Variants in PTAFR observed in about 807,000 individuals in gnomAD.
PTAFR encodes platelet activating factor receptor.
Under a neutral mutation model 14.7 loss-of-function variants are expected in PTAFR, and 8 were observed. The observed-to-expected ratio is 0.54, with a 90% CI of 0.32 to 0.98. PTAFR has a LOEUF of 0.98. Ranked by LOEUF, PTAFR falls within the 50% of genes least tolerant of loss-of-function variation. The probability of loss-of-function intolerance (pLI) is 0.04; values close to 1 mark genes in which losing one functional copy is unlikely to be tolerated. For missense variants in PTAFR, 337 were observed against 451.2 expected, an observed-to-expected ratio of 0.75 and a Z score of 2.29; for synonymous variants, 156 against 176.5, an observed-to-expected ratio of 0.88 and a Z score of 0.92.
At chr1:28,162,365 G>A (rs879756645) in intron 1 of PTAFR, among the ~76,000 whole-genome samples, 1 of 152,126 alleles carries the variant, frequency 6.6e-6, no homozygotes, top group Non-Finnish European at 1.5e-5. Flanking sequence ...CCCAGCAACC[G>A]ACAGGATTGC....
chr1:28,187,179 T>C (rs1031249147), intron 1 of PTAFR, among the ~76,000 whole-genome samples: 2 of 152,062 alleles, frequency 1.3e-5, no homozygotes, highest in Non-Finnish European at 2.9e-5. Context: ...CGTTTACTGA[T>C]GAGAAAAGGG....
In PTAFR at chr1:28,150,935, C is replaced by T. The variant is rs749942993; in HGVS notation, c.87G>A (p.Gly29=). Residue 29 remains glycine (G), a synonymous_variant, in exon 2 of 2, where the codon GGG becomes GGA. Coordinates refer to ENST00000373857, the MANE Select transcript of PTAFR (RefSeq NM_000952.5). The surrounding 1 kb of genome is among the most constrained non-coding windows in gnomAD (Gnocchi z 6.3). ...PIVYSIIFVL[G]VIANGYVLWV... is the part of the protein sequence containing the mutation. ...ACAGCACGTAGCCATTAGCAATGAC[C>T]CCGAGCACAAAGATGATGCTGTAAA... is the stretch of plus-strand genomic sequence containing the variant. 18 of 1,614,012 alleles carry T rather than the reference C, an allele frequency of 1.1e-5. No individual in the cohort carries two copies. Among genetic ancestry groups the T allele is most frequent in the South Asian group, 3.3e-5 (3 of 91,062 alleles).
At position 28,154,834 on chromosome 1, in the gene PTAFR, G is replaced by C. The variant is rs1284527654; in HGVS notation, c.-38-3775C>G. ...CTCAAAAAAAAAAAAAAAAAAAAGTGGGGGGGGAGGGAGGGCAGCACGGAT... is the reference window on the plus strand; with the variant it reads ...CTCAAAAAAAAAAAAAAAAAAAAGTCGGGGGGGAGGGAGGGCAGCACGGAT... On this transcript the variant is annotated intron_variant, in intron 1 of 1. Coordinates refer to ENST00000373857, the MANE Select transcript of PTAFR (RefSeq NM_000952.5). 9.5e-3 allele frequency among the ~76,000 whole-genome samples: 1,322 copies of C among 139,210 alleles called. 36 individuals carry two copies. The highest frequency in any genetic ancestry group is 0.033 in the African/African-American group (1,242 of 37,262). 91.3% of individuals were successfully genotyped at this position (139,210 alleles called of 152,430 possible).
Position 28,150,728 on chromosome 1 carries a change from G to A in PTAFR, c.294C>T (p.Phe98=). The A allele has an allele frequency of 6.2e-7, 1 of 1,614,156 alleles. No homozygotes were observed. Among genetic ancestry groups the A allele is most frequent in the East Asian group, 2.2e-5 (1 of 44,874 alleles). Residue 98 remains phenylalanine (F), a synonymous_variant, in exon 2 of 2, where the codon TTC becomes TTT. Transcript: ENST00000373857. This position sits in a 1 kb window ranked among gnomAD's most constrained non-coding sequence, Gnocchi z 6.3. ...FLCNVAGCLF[F]INTYCSVAFL... is the part of the protein sequence containing the mutation. ...AGGCCACAGAGCAGTAGGTGTTGAT[G>A]AAGAAAAGGCAGCCAGCCACGTTGC... is the stretch of plus-strand genomic sequence containing the variant.
At position 28,175,734 on chromosome 1, in the gene PTAFR, G is replaced by A. The variant is rs184333189; in HGVS notation, c.-39+858C>T. Among the ~76,000 whole-genome samples, 18 of 151,920 alleles carry A rather than the reference G, an allele frequency of 1.2e-4. No individual in the cohort carries two copies. In the East Asian group the frequency reaches 2.1e-3, roughly 18 times the overall value. On this transcript the variant is annotated intron_variant, in intron 1 of 1. Coordinates refer to ENST00000373857, the MANE Select transcript of PTAFR (RefSeq NM_000952.5). ...TTTTCAGCACCCCCTTCCCCACCCC[G>A]CAAACCTAGCATTTAGTGAGTTCCT...
chr1:28,168,683 G>C (rs1417263402), intron 1 of PTAFR, among the ~76,000 whole-genome samples: 1 of 151,974 alleles, frequency 6.6e-6, no homozygotes, highest in Non-Finnish European at 1.5e-5. Context: ...TTGTTTGTTT[G>C]TTTGAAATGA....
rs1319047843 is a variant in PTAFR, at chr1:28,149,079, T to C, written c.*914A>G. The C allele has an allele frequency of 1.3e-5, 2 of 152,286 alleles. No homozygotes were observed. The highest frequency in any genetic ancestry group is 4.8e-5 in the African/African-American group (2 of 41,472). 9.4% of individuals were successfully genotyped at this position (152,286 alleles called of 1,614,324 possible). A position where few individuals can be genotyped will look rare whatever the true frequency, so the allele number is the denominator to read the frequency against. On this transcript the variant is annotated 3_prime_UTR_variant, in exon 2 of 2. Transcript: ENST00000373857. ...TGTCTTGGGAAGCAAGCTCTTGTCC[T>C]AGCTTTTGGTCTGTTCATGTTTTAT... is the stretch of plus-strand genomic sequence containing the variant.
chr1:28,174,219 A>T (rs1013181112), intron 1 of PTAFR, among the ~76,000 whole-genome samples: 4 of 152,002 alleles, frequency 2.6e-5, no homozygotes, highest in Non-Finnish European at 4.4e-5. Context: ...CGACCCAGAC[A>T]CACACCCCTA....
intron 1 of PTAFR, among the ~76,000 whole-genome samples, chr1:28,163,328 C>G (rs1170735621): frequency 6.6e-6 from 1 of 152,190 alleles, no homozygotes. Flanking sequence ...CCTTGTCAGA[C>G]TGGGCACTTC....
intron 1 of PTAFR, among the ~76,000 whole-genome samples, chr1:28,175,993 CCAT>C (rs1247577938): frequency 2.0e-5 from 3 of 152,068 alleles, no homozygotes; most frequent in Non-Finnish European, 4.4e-5. Context: ...ACCATCACCA[CCAT>C]CAACACCTCC....
At chr1:28,155,175 T>C (rs1384574367) in intron 1 of PTAFR, among the ~76,000 whole-genome samples, 1 of 152,120 alleles carries the variant, frequency 6.6e-6, no homozygotes, top group Non-Finnish European at 1.5e-5. Context: ...CTGTTTTGAA[T>C]GCTCTTCCCT....
chr1:28,164,597 C>G (rs904409153), intron 1 of PTAFR, among the ~76,000 whole-genome samples: 1 of 152,156 alleles, frequency 6.6e-6, no homozygotes, highest in African/African-American at 2.4e-5. Context: ...TACAAGATAC[C>G]TAATTTTCTA....
Position 28,150,661 on chromosome 1 carries a change from G to A in PTAFR, c.361C>T (p.Arg121Trp), listed in dbSNP as rs1212560948. The A allele has an allele frequency of 8.1e-6, 13 of 1,614,060 alleles. No homozygotes were observed. Among genetic ancestry groups the A allele is most frequent in the East Asian group, 4.5e-5 (2 of 44,900 alleles). The change falls in exon 2 of 2, where the codon CGG becomes TGG. Residue 121 changes from arginine to tryptophan, a missense_variant. By Grantham distance (101) the Arg-to-Trp change is moderately radical. Transcript: ENST00000373857. This position sits in a 1 kb window ranked among gnomAD's most constrained non-coding sequence, Gnocchi z 6.3. ...ITYNRFQAVT[R>W]PIKTAQANTR... Reference sequence around the variant, plus strand: ...TTGGCCTGAGCAGTCTTGATGGGCCGAGTTACTGCCTGGAAGCGGTTATAA... The same window carrying A: ...TTGGCCTGAGCAGTCTTGATGGGCCAAGTTACTGCCTGGAAGCGGTTATAA...
chr1:28,167,927 CCA>C (rs1170149399), intron 1 of PTAFR, among the ~76,000 whole-genome samples: 1 of 148,068 alleles, frequency 6.8e-6, no homozygotes, highest in Non-Finnish European at 1.5e-5. Context: ...GGATGAACCA[CCA>C]CGCCCAACTG....
At chr1:28,173,313 C>T (rs368691849) in intron 1 of PTAFR, among the ~76,000 whole-genome samples, 107 of 21,944 alleles carry the variant, frequency 4.9e-3, no homozygotes, top group African/African-American at 0.011. Flanking sequence ...GGGGGGTGTG[C>T]GGGGGGTGTA....
intron 1 of PTAFR, among the ~76,000 whole-genome samples, chr1:28,186,202 C>T (rs1396902778): frequency 1.3e-5 from 2 of 152,100 alleles, no homozygotes; most frequent in African/African-American, 4.8e-5. Context: ...TCAGGCTGGT[C>T]TCGAACTCCT....
At chr1:28,164,437 A>C (rs773192597) in intron 1 of PTAFR, among the ~76,000 whole-genome samples, 4 of 151,984 alleles carry the variant, frequency 2.6e-5, no homozygotes, top group Non-Finnish European at 5.9e-5. Flanking sequence ...AAGTGGGCAC[A>C]CTCTCTTGGA....
intron 1 of PTAFR, among the ~76,000 whole-genome samples, chr1:28,165,403 CAAAAAA>C (rs36099131): frequency 1.3e-4 from 6 of 45,896 alleles, no homozygotes; most frequent in Admixed American, 1.2e-3. Context: ...GACTCTGTCT[CAAAAAA>C]AAAAAAAAAA....
At chr1:28,160,810 G>A (rs572062216) in intron 1 of PTAFR, among the ~76,000 whole-genome samples, 4 of 152,156 alleles carry the variant, frequency 2.6e-5, no homozygotes, top group South Asian at 4.2e-4. Flanking sequence ...ACTCAAACCC[G>A]TTGGTGCCAC....
Sources: gnomAD v4.1 joint callset for allele counts (sites outside exome capture counted in the v4.1 genomes callset) on GRCh38, gnomAD v4.1.1 for gene constraint, Gnocchi (gnomAD v3.1) non-coding constraint, MANE v1.5 for transcripts, NCBI Gene and HGNC (gene_info 2026-07-23, HGNC 2026-07-21) for gene names.